Variants in NRG3 observed in about 807,000 individuals in gnomAD.
The protein encoded by NRG3 is neuregulin 3.
NRG3 carries 31 observed loss-of-function variants against 66.9 expected under a neutral mutation model. That is an observed-to-expected ratio of 0.46 (90% confidence interval 0.35 to 0.63). NRG3 has a LOEUF of 0.63. Ranked by LOEUF, NRG3 falls within the 20% of genes least tolerant of loss-of-function variation. The pLI is 0.00. For synonymous variants in NRG3, 393 were observed against 359.4 expected (o/e 1.09, Z -1.06); for missense variants, 910 against 878.9 (o/e 1.04, Z -0.45).
intron 2 of NRG3, among the ~76,000 whole-genome samples, chr10:82,363,436 T>C (rs1442451741): frequency 6.6e-6 from 1 of 150,970 alleles, no homozygotes; most frequent in Non-Finnish European, 1.5e-5. Context: ...AAAAGCCTTA[T>C]ACTGTTTTTT....
intron 3 of NRG3, among the ~76,000 whole-genome samples, chr10:82,752,818 G>A (rs2134962083): frequency 6.6e-6 from 1 of 152,226 alleles, no homozygotes; most frequent in East Asian, 1.9e-4. Flanking sequence ...CCTTTTACCT[G>A]CCAGCACTTT....
chr10:82,275,755 T>C (rs7074624), intron 1 of NRG3, among the ~76,000 whole-genome samples: 39,219 of 151,868 alleles, frequency 0.26, 5,210 homozygotes, highest in Admixed American at 0.28. Flanking sequence ...CTTAAAGATA[T>C]AATTGGAGTA....
At chr10:82,590,507 T>C (rs1470306158) in intron 2 of NRG3, among the ~76,000 whole-genome samples, 1 of 152,182 alleles carries the variant, frequency 6.6e-6, no homozygotes, top group Admixed American at 6.5e-5. Flanking sequence ...TCCATGGACC[T>C]GTAGGATGCT....
intron 1 of NRG3, among the ~76,000 whole-genome samples, chr10:81,943,018 T>C (rs1239796976): frequency 6.6e-6 from 1 of 152,182 alleles, no homozygotes; most frequent in Non-Finnish European, 1.5e-5. Context: ...TCTATTTTTG[T>C]GTCACATAAT....
intron 2 of NRG3, among the ~76,000 whole-genome samples, chr10:82,653,045 G>A (rs1433600353): frequency 6.6e-6 from 1 of 152,166 alleles, no homozygotes; most frequent in Non-Finnish European, 1.5e-5. Flanking sequence ...CTGCTAAATA[G>A]CATGTTGGGC....
intron 2 of NRG3, among the ~76,000 whole-genome samples, chr10:82,529,989 A>G (rs1847100733): frequency 6.6e-6 from 1 of 152,170 alleles, no homozygotes; most frequent in South Asian, 2.1e-4. Context: ...CGATGTTATC[A>G]GATGGTTTAA....
intron 1 of NRG3, among the ~76,000 whole-genome samples, chr10:82,355,404 T>C: frequency 6.6e-6 from 1 of 152,362 alleles, no homozygotes; most frequent in Middle Eastern, 3.4e-3. Flanking sequence ...TGTTCTATTT[T>C]ATGTGTTTTG....
chr10:82,209,692 A>C (rs983817544), intron 1 of NRG3, among the ~76,000 whole-genome samples: 9 of 152,168 alleles, frequency 5.9e-5, no homozygotes, highest in Admixed American at 5.2e-4. Context: ...TTTTTAGGGC[A>C]ATTCAAGTAG....
At chr10:82,889,370 T>A (rs1044088526) in intron 4 of NRG3, among the ~76,000 whole-genome samples, 5 of 152,196 alleles carry the variant, frequency 3.3e-5, no homozygotes, top group Admixed American at 6.5e-5. Flanking sequence ...AAAGATGTTT[T>A]GAACTTCTTA....
intron 3 of NRG3, among the ~76,000 whole-genome samples, chr10:82,744,988 G>A (rs1348866184): frequency 2.0e-5 from 3 of 152,138 alleles, no homozygotes; most frequent in Admixed American, 6.5e-5. Flanking sequence ...GGATTAAAAA[G>A]CATGCAGCCT....
intron 1 of NRG3, among the ~76,000 whole-genome samples, chr10:82,107,658 G>T (rs1197911969): frequency 6.6e-6 from 1 of 152,188 alleles, no homozygotes; most frequent in Non-Finnish European, 1.5e-5. Context: ...AAAATAAACT[G>T]TATGATCATT....
rs146367115 is a variant in NRG3 at position 82,116,968 on chromosome 10, C to T, written c.823+240805C>T. ...CCCTCAACAAGCTGCAACCCACTCT[C>T]TTTCTAGGGTTCACCTCAAGGAGCT... On this transcript the variant is annotated intron_variant, in intron 1 of 8. Transcript: ENST00000372141. Among the ~76,000 whole-genome samples, 429 of 152,222 alleles carry T rather than the reference C, an allele frequency of 2.8e-3. 5 individuals are homozygous for T. Among genetic ancestry groups the T allele is most frequent in the African/African-American group, 9.7e-3 (403 of 41,550 alleles).
chr10:82,301,516 G>A (rs2080397192), intron 1 of NRG3, among the ~76,000 whole-genome samples: 1 of 151,896 alleles, frequency 6.6e-6, no homozygotes, highest in Non-Finnish European at 1.5e-5. Context: ...TAGGGTAGAT[G>A]AATTTATCTA....
intron 1 of NRG3, among the ~76,000 whole-genome samples, chr10:82,172,000 T>G (rs2072656495): frequency 1.3e-5 from 2 of 152,072 alleles, no homozygotes; most frequent in East Asian, 3.9e-4. Flanking sequence ...TAAATGGAAT[T>G]TGGGCTAATT....
chr10:82,006,522 T>A (rs1231336942), intron 1 of NRG3, among the ~76,000 whole-genome samples: 2 of 152,146 alleles, frequency 1.3e-5, no homozygotes, highest in Non-Finnish European at 2.9e-5. Flanking sequence ...CTTTATATCA[T>A]CAATATAGTC....
At chr10:82,709,273 A>G (rs1259657345) in intron 2 of NRG3, among the ~76,000 whole-genome samples, 1 of 152,172 alleles carries the variant, frequency 6.6e-6, no homozygotes, top group Non-Finnish European at 1.5e-5. Flanking sequence ...AGACAGTTCT[A>G]TCGGATGGTG....
chr10:81,944,880 C>A (rs967375347), intron 1 of NRG3, among the ~76,000 whole-genome samples: 19 of 152,138 alleles, frequency 1.2e-4, no homozygotes, highest in African/African-American at 4.6e-4. Flanking sequence ...CAAAATCCCT[C>A]AGTCTGGCAT....
chr10:82,190,421 A>G (rs886088734), intron 1 of NRG3, among the ~76,000 whole-genome samples: 1 of 152,168 alleles, frequency 6.6e-6, no homozygotes. Flanking sequence ...TTATTTTATA[A>G]AATGTATGGT....
chr10:82,321,834 A>G (rs186024244), intron 1 of NRG3, among the ~76,000 whole-genome samples: 15 of 152,306 alleles, frequency 9.8e-5, no homozygotes, highest in East Asian at 7.7e-4. Context: ...CCCTCTAGTT[A>G]ACATGGCCCT....
Sources: gnomAD v4.1 joint callset for allele counts (sites outside exome capture counted in the v4.1 genomes callset) on GRCh38, gnomAD v4.1.1 for gene constraint, MANE v1.5 for transcripts, NCBI Gene and HGNC (gene_info 2026-07-23, HGNC 2026-07-21) for gene names.